COLEC12: variants seen among roughly 807,000 people sequenced by gnomAD.
COLEC12 encodes the protein collectin-12.
Under a neutral mutation model 71.1 loss-of-function variants are expected in COLEC12, and 33 were observed. The ratio of observed to expected loss-of-function variants is 0.46; its 90% CI spans 0.35 to 0.62. The LOEUF (loss-of-function observed/expected upper bound fraction) is 0.62, where lower values mean the gene tolerates loss of function less well. Among genes scored for constraint, COLEC12 ranks in the 20% least tolerant of loss-of-function variants. The pLI is 0.00. For missense variants in COLEC12, 765 were observed against 916.1 expected (o/e 0.84, Z 2.13); for synonymous variants, 350 against 353.0 (o/e 0.99, Z 0.10).
At chr18:455,643 C>G (rs1255573844) in intron 2 of COLEC12, among the ~76,000 whole-genome samples, 1 of 151,786 alleles carries the variant, frequency 6.6e-6, no homozygotes, top group Non-Finnish European at 1.5e-5. Context: ...CTCCCCCTCC[C>G]TTTGCCCCCC....
chr18:326,388 C>A (rs1398335955), intron 8 of COLEC12, among the ~76,000 whole-genome samples: 1 of 152,138 alleles, frequency 6.6e-6, no homozygotes, highest in Non-Finnish European at 1.5e-5. Context: ...CGCTCTGTCA[C>A]CCAGGCTGGA....
At chr18:351,473 G>A (rs930588917) in intron 3 of COLEC12, among the ~76,000 whole-genome samples, 2 of 152,136 alleles carry the variant, frequency 1.3e-5, no homozygotes, top group African/African-American at 4.8e-5. Context: ...ATCCTTTAGG[G>A]CAGGAAAATT....
At chr18:479,040 AT>A (rs1917358797) in intron 2 of COLEC12, among the ~76,000 whole-genome samples, 1 of 152,018 alleles carries the variant, frequency 6.6e-6, no homozygotes, top group African/African-American at 2.4e-5. Flanking sequence ...GGTTCTTCAT[AT>A]TTCTACTGAT....
chr18:363,777 G>A (rs992408802), intron 2 of COLEC12, among the ~76,000 whole-genome samples: 1 of 152,032 alleles, frequency 6.6e-6, no homozygotes, highest in South Asian at 2.1e-4. Flanking sequence ...TTATGATGAA[G>A]GCTATTTACT....
intron 3 of COLEC12, among the ~76,000 whole-genome samples, 178 bp from the exon 4 acceptor site, chr18:348,341 C>T (rs768220309): frequency 6.6e-6 from 1 of 152,142 alleles, no homozygotes; most frequent in Non-Finnish European, 1.5e-5. Context: ...TTACTTGTCA[C>T]AAAACCCAGG....
At chr18:479,201 T>TC (rs201216532) in intron 2 of COLEC12, among the ~76,000 whole-genome samples, 2,275 of 151,894 alleles carry the variant, frequency 0.015, 55 homozygotes, top group Non-Finnish European at 0.016. Context: ...CTTCAGTGCG[T>TC]CCCCCCCGGG....
intron 2 of COLEC12, among the ~76,000 whole-genome samples, chr18:443,684 G>A (rs935093175): frequency 7.2e-5 from 11 of 152,228 alleles, no homozygotes; most frequent in African/African-American, 2.7e-4. Context: ...AGCATGGGAA[G>A]GAGAAAGCAA....
intron 3 of COLEC12, among the ~76,000 whole-genome samples, chr18:355,688 A>G (rs1397893400): frequency 6.6e-6 from 1 of 152,206 alleles, no homozygotes; most frequent in Non-Finnish European, 1.5e-5. Context: ...AGTACTTATT[A>G]AATGGCTGAT....
intron 2 of COLEC12, among the ~76,000 whole-genome samples, chr18:403,881 G>T (rs1033426683): frequency 5.3e-5 from 8 of 152,298 alleles, no homozygotes; most frequent in Admixed American, 3.3e-4. Flanking sequence ...TCATACCTAT[G>T]GCACAAACAA....
At chr18:466,318 A>G (rs80058239) in intron 2 of COLEC12, among the ~76,000 whole-genome samples, 4,984 of 152,342 alleles carry the variant, frequency 0.033, 121 homozygotes, top group East Asian at 0.091. Flanking sequence ...CAGGACCTTC[A>G]GAGCAGTTAC....
intron 6 of COLEC12, chr18:333,862 T>A (rs773518706): frequency 1.3e-5 from 2 of 152,052 alleles, no homozygotes; most frequent in Non-Finnish European, 2.9e-5. Flanking sequence ...TGTGTTTGTC[T>A]TCTGAGGGCT....
At chr18:330,801 G>A (rs1035667450) in intron 8 of COLEC12, among the ~76,000 whole-genome samples, 2 of 151,050 alleles carry the variant, frequency 1.3e-5, no homozygotes, top group African/African-American at 2.4e-5. Flanking sequence ...CTAGGGGATG[G>A]TTATCCCGCA....
chr18:459,097 C>T (rs1246286324), intron 2 of COLEC12, among the ~76,000 whole-genome samples: 1 of 152,178 alleles, frequency 6.6e-6, no homozygotes, highest in Non-Finnish European at 1.5e-5. Context: ...AAGCTATCCT[C>T]CCTCCTTGGC....
chr18:458,764 A>G (rs911011927), intron 2 of COLEC12, among the ~76,000 whole-genome samples: 3 of 152,222 alleles, frequency 2.0e-5, no homozygotes, highest in African/African-American at 7.2e-5. Context: ...CTCCCACGTG[A>G]AGCCATTTTC....
In COLEC12 at chr18:380,200, C is replaced by A. The variant is rs548438309; in HGVS notation, c.59-22678G>T. ...ATGGAACCACTAGCTTACTCTTTAC[C>A]GTCATCTTTCCGCATTCCTCAGTGC... On this transcript the variant is annotated intron_variant, in intron 2 of 9. Coordinates refer to ENST00000400256, the MANE Select transcript of COLEC12 (RefSeq NM_130386.3). Among the ~76,000 whole-genome samples, 85 of 152,162 alleles carry A rather than the reference C, an allele frequency of 5.6e-4. 2 individuals carry two copies. Among genetic ancestry groups the A allele is most frequent in the Non-Finnish European group, 2.9e-5 (2 of 68,022 alleles).
chr18:320,090 A>G (rs1268502313), intron 9 of COLEC12, 26 bp from the exon 10 acceptor site: 1 of 1,419,494 alleles, frequency 7.0e-7, no homozygotes, highest in Non-Finnish European at 9.8e-7. Context: ...AAGAATGGGC[A>G]TTAGTTTTTC....
At chr18:378,102 C>T (rs1424984131) in intron 2 of COLEC12, among the ~76,000 whole-genome samples, 3 of 152,258 alleles carry the variant, frequency 2.0e-5, no homozygotes, top group Admixed American at 1.3e-4. Context: ...AAAGGATACC[C>T]CCTGCTGCTG....
chr18:411,115 T>G (rs1915886490), intron 2 of COLEC12, among the ~76,000 whole-genome samples: 1 of 152,074 alleles, frequency 6.6e-6, no homozygotes, highest in African/African-American at 2.4e-5. Flanking sequence ...GCTTAATAAT[T>G]AGCAATAATA....
rs374764614 is a variant in COLEC12, at chr18:465,381, C to G, written c.58+15326G>C. ...ACTCCCAAAGTGTTGGGATTACAGGCATGAGCCACTGCACCCAGCCAAAAT... is the reference window on the plus strand; with the variant it reads ...ACTCCCAAAGTGTTGGGATTACAGGGATGAGCCACTGCACCCAGCCAAAAT... On this transcript the variant is annotated intron_variant, in intron 2 of 9. Coordinates refer to ENST00000400256, the MANE Select transcript of COLEC12 (RefSeq NM_130386.3). Among the ~76,000 whole-genome samples, 242 of 152,284 alleles carry G rather than the reference C, an allele frequency of 1.6e-3. 11 individuals carry two copies. In the South Asian group the frequency reaches 0.041, roughly 26 times the overall value.
Sources: gnomAD v4.1 joint callset for allele counts (sites outside exome capture counted in the v4.1 genomes callset) on GRCh38, gnomAD v4.1.1 for gene constraint, MANE v1.5 for transcripts, NCBI Gene and HGNC (gene_info 2026-07-23, HGNC 2026-07-21) for gene names.